Variants in PANK2 observed in about 807,000 individuals in gnomAD.
PANK2 encodes pantothenate kinase 2, mitochondrial.
PANK2 carries 36 observed loss-of-function variants against 43.1 expected under a neutral mutation model. The observed-to-expected ratio is 0.84, with a 90% CI of 0.64 to 1.10. PANK2 has a LOEUF of 1.10. PANK2 is among the 50% of genes least tolerant of loss of function. PANK2 has a pLI of 0.00. For synonymous variants in PANK2, 281 were observed against 238.2 expected, an observed-to-expected ratio of 1.18 and a Z score of -1.66; for missense variants, 576 against 593.3, an observed-to-expected ratio of 0.97 and a Z score of 0.30.
Position 3,918,823 on chromosome 20 carries a change from A to T in PANK2, c.1332+27A>T, listed in dbSNP as rs767864240. ...TAAGCTGACTTGTTCGTTGTGGTATATTATGTACACAGAGGGCTTGTGGGT... is the reference window on the plus strand; with the variant it reads ...TAAGCTGACTTGTTCGTTGTGGTATTTTATGTACACAGAGGGCTTGTGGGT... On this transcript the variant is annotated intron_variant, in intron 6 of 6. Coordinates refer to ENST00000610179, the MANE Select transcript of PANK2 (RefSeq NM_001386393.1). 7 of 1,613,994 alleles carry T rather than the reference A, an allele frequency of 4.3e-6. No homozygotes were observed. In the Admixed American group the frequency reaches 1.2e-4, roughly 27 times the overall value.
At chr20:3,899,395 T>C (rs964184777) in intron 1 of PANK2, among the ~76,000 whole-genome samples, 1 of 151,370 alleles carries the variant, frequency 6.6e-6, no homozygotes, top group Non-Finnish European at 1.5e-5. Flanking sequence ...GGTCTCGAAC[T>C]CCTAACCTCT....
At chr20:3,903,644 T>G (rs978434119) in intron 1 of PANK2, among the ~76,000 whole-genome samples, 1 of 151,470 alleles carries the variant, frequency 6.6e-6, no homozygotes, top group South Asian at 2.1e-4. Flanking sequence ...TTTTTTTTTT[T>G]TGAGATGGAG....
At chr20:3,917,729 A>G (rs1232451124) in intron 5 of PANK2, among the ~76,000 whole-genome samples, 6 of 152,226 alleles carry the variant, frequency 3.9e-5, no homozygotes. Context: ...GGAAACCTCA[A>G]AAGACACAAA....
intron 4 of PANK2, among the ~76,000 whole-genome samples, chr20:3,915,157 T>A (rs1316631887): frequency 6.6e-6 from 1 of 152,230 alleles, no homozygotes; most frequent in Admixed American, 6.5e-5. Context: ...ATCTATCTTC[T>A]GTCACTTGTG....
chr20:3,915,602 G>C (rs2146883945), intron 4 of PANK2, among the ~76,000 whole-genome samples: 1 of 152,248 alleles, frequency 6.6e-6, no homozygotes, highest in South Asian at 2.1e-4. Flanking sequence ...GCCAGTTTTA[G>C]CTCTTATATT....
intron 4 of PANK2, 123 bp from the exon 5 acceptor site, chr20:3,916,804 A>G: frequency 7.2e-7 from 1 of 1,384,974 alleles, no homozygotes; most frequent in Non-Finnish European, 1.0e-6. Context: ...GCAAAATAAA[A>G]GGTTTGAAGA....
At chr20:3,896,062 G>GT (rs1346894387) in intron 1 of PANK2, among the ~76,000 whole-genome samples, 1 of 150,814 alleles carries the variant, frequency 6.6e-6, no homozygotes, top group East Asian at 1.9e-4. Flanking sequence ...TAAACTGTGT[G>GT]TTTCTTTTTT....
In PANK2 at chr20:3,889,455, C is replaced by G. The variant is rs944348405; in HGVS notation, c.25C>G (p.Arg9Gly). Residue 9 changes from arginine (R) to glycine (G), a missense_variant, in exon 1 of 7, where the codon CGA becomes GGA. Physicochemically the swap from Arg to Gly is moderately radical, Grantham distance 125. Transcript: ENST00000610179. The stretch of plus-strand genomic sequence containing the variant: ...GCTGGGGGGCTTGCTCGGGCGGCAG[C>G]GACTGCTGCTGCGGATGGGAGGGGG... The G allele has an allele frequency of 4.5e-6, 7 of 1,547,326 alleles. No individual in the cohort carries two copies. The highest frequency in any genetic ancestry group is 6.1e-6 in the Non-Finnish European group (7 of 1,153,464).
Position 3,908,069 on chromosome 20 carries a change from T to G in PANK2, c.442T>G (p.Tyr148Asp). Reference sequence around the variant, plus strand: ...GAAGTACCTGACCTCCAATGTGGCTTATGGGTCTACAGGCATTCGGGACGT... The same window carrying G: ...GAAGTACCTGACCTCCAATGTGGCTGATGGGTCTACAGGCATTCGGGACGT... The change falls in exon 2 of 7, where the codon TAT (tyrosine) becomes GAT (aspartate). Residue 148 changes from tyrosine (Y) to aspartate (D), a missense_variant. Tyr to Asp is a radical substitution (Grantham distance 160, BLOSUM62 -3). Around this residue, in one of 2 missense-constraint regions of PANK2, gnomAD observed 544 missense variants for 528.9 expected, o/e 1.03. Transcript: ENST00000610179. The G allele has an allele frequency of 1.2e-6, 2 of 1,614,168 alleles. No homozygotes were observed. The highest frequency in any genetic ancestry group is 1.7e-6 in the Non-Finnish European group (2 of 1,180,038).
Position 3,910,651 on chromosome 20 carries a change from C to T in PANK2, c.726C>T (p.Val242=), listed in dbSNP as rs375227097. The T allele has an allele frequency of 6.4e-5, 103 of 1,613,952 alleles. No individual in the cohort carries two copies. The highest frequency in any genetic ancestry group is 1.3e-4 in the East Asian group (6 of 44,874). The stretch of plus-strand genomic sequence containing the variant: ...AAGGAATTTTATACATTGACTCAGT[C>T]GGATTCAATGGACGGTCACAGTGCT... Residue 242 remains valine, a synonymous_variant, in exon 3 of 7, where the codon GTC becomes GTT. Transcript: ENST00000610179.
chr20:3,908,948 G>A (rs1479149320), intron 2 of PANK2: 2 of 153,746 alleles, frequency 1.3e-5, no homozygotes, highest in Admixed American at 6.4e-5. Context: ...GGTGGATGGT[G>A]GGGGTAGGCC....
intron 1 of PANK2, chr20:3,901,590 C>G: frequency 1.0e-6 from 1 of 981,862 alleles, no homozygotes; most frequent in Non-Finnish European, 1.2e-6. Flanking sequence ...CCTTCTCTTC[C>G]CTCTTCAACT....
intron 1 of PANK2, chr20:3,901,512 A>C: frequency 1.6e-6 from 1 of 642,212 alleles, no homozygotes; most frequent in Non-Finnish European, 1.9e-6. Flanking sequence ...GTGTAGAATT[A>C]ATCAGAATCT....
At position 3,889,545 on chromosome 20, in the gene PANK2, G is replaced by A. The variant is rs528889529; in HGVS notation, c.115G>A (p.Glu39Lys). The A allele has an allele frequency of 5.6e-6, 8 of 1,422,554 alleles. No individual in the cohort carries two copies. The African/African-American group carries it at 1.2e-4, about 21-fold the overall frequency. The allele number at this position is 1,422,554 out of a possible 1,614,324, so 88.1% of individuals were successfully genotyped here. A position where few individuals can be genotyped will look rare whatever the true frequency, so the allele number is the denominator to read the frequency against. ...CGCCACCTCCGTCTCGTCGGCTGGG[G>A]AGCAGGCGGCCGGGGACCCCGAAGG... is the stretch of plus-strand genomic sequence containing the variant. Residue 39 changes from glutamate (E) to lysine (K), a missense_variant, in exon 1 of 7, where the codon GAG becomes AAG. Glu to Lys is a moderately conservative substitution (Grantham distance 56). Coordinates refer to ENST00000610179, the MANE Select transcript of PANK2 (RefSeq NM_001386393.1).
chr20:3,923,060 C>T (rs921071214), intron 6 of PANK2, among the ~76,000 whole-genome samples, 184 bp from the exon 7 acceptor site: 6 of 152,312 alleles, frequency 3.9e-5, no homozygotes, highest in South Asian at 2.1e-4. Flanking sequence ...ATCCAGCCCC[C>T]TCCCCAGACA....
intron 1 of PANK2, among the ~76,000 whole-genome samples, chr20:3,902,992 C>T (rs898925844): frequency 4.6e-5 from 7 of 150,694 alleles, no homozygotes; most frequent in African/African-American, 1.7e-4. Context: ...CACACACACA[C>T]ACACACACAC....
intron 1 of PANK2, among the ~76,000 whole-genome samples, chr20:3,895,259 G>A (rs2090186405): frequency 1.3e-5 from 2 of 152,022 alleles, no homozygotes; most frequent in Non-Finnish European, 2.9e-5. Flanking sequence ...GGGAGACAGG[G>A]CGAGACTCCA....
intron 2 of PANK2, chr20:3,908,786 A>G (rs2090426321): frequency 2.0e-5 from 4 of 199,870 alleles, no homozygotes; most frequent in Admixed American, 5.3e-5. Flanking sequence ...CTCTCCCAGA[A>G]TGCTTTCTGA....
At chr20:3,899,923 C>G (rs960072594) in intron 1 of PANK2, among the ~76,000 whole-genome samples, 1 of 151,824 alleles carries the variant, frequency 6.6e-6, no homozygotes, top group Non-Finnish European at 1.5e-5. Flanking sequence ...ACAGGATGGT[C>G]TCGATCTCCT....
Sources: gnomAD v4.1 joint callset for allele counts (sites outside exome capture counted in the v4.1 genomes callset) on GRCh38, gnomAD v4.1.1 for gene constraint, gnomAD v4.1.1 regional missense constraint, MANE v1.5 for transcripts, NCBI Gene and HGNC (gene_info 2026-07-23, HGNC 2026-07-21) for gene names.